SNCAIP: variants seen among roughly 807,000 people sequenced by gnomAD.
The protein encoded by SNCAIP is synuclein alpha interacting protein.
A neutral mutation model predicts 86.7 loss-of-function variants in SNCAIP; 43 were observed. The observed-to-expected ratio is 0.50, with a 90% CI of 0.39 to 0.64. The LOEUF is 0.64. Ranked by LOEUF, SNCAIP falls within the 30% of genes least tolerant of loss-of-function variation. The pLI, the probability that SNCAIP is intolerant of heterozygous loss-of-function variation, is 0.00. For missense variants in SNCAIP, 981 were observed against 1,103.1 expected (o/e 0.89, Z 1.57); for synonymous variants, 417 against 427.2 (o/e 0.98, Z 0.29).
intron 3 of SNCAIP, among the ~76,000 whole-genome samples, chr5:122,420,115 A>T (rs995471753): frequency 6.6e-6 from 1 of 152,150 alleles, no homozygotes. Flanking sequence ...CACAGATCTC[A>T]CTCACAGCCT....
chr5:122,449,140 C>T (rs1343781554), intron 8 of SNCAIP, among the ~76,000 whole-genome samples: 1 of 152,124 alleles, frequency 6.6e-6, no homozygotes, highest in African/African-American at 2.4e-5. Context: ...TGTAGAACAT[C>T]GTATCCTAGC....
intron 1 of SNCAIP, among the ~76,000 whole-genome samples, chr5:122,367,325 A>C (rs1763382875): frequency 6.6e-6 from 1 of 152,246 alleles, no homozygotes; most frequent in African/African-American, 2.4e-5. Flanking sequence ...ATTCTAGATC[A>C]TTTTCAGAGG....
intron 10 of SNCAIP, chr5:122,451,819 G>T: frequency 7.7e-6 from 4 of 516,290 alleles, no homozygotes; most frequent in South Asian, 2.8e-5. Flanking sequence ...AAGAGAGAAA[G>T]GTTAAAAAAA....
chr5:122,404,504 C>G (rs1427691880), intron 3 of SNCAIP, among the ~76,000 whole-genome samples: 1 of 152,162 alleles, frequency 6.6e-6, no homozygotes, highest in African/African-American at 2.4e-5. Context: ...TTAAGCTTCT[C>G]TTCTTTTCCT....
chr5:122,372,036 C>T (rs1409888591), intron 1 of SNCAIP, among the ~76,000 whole-genome samples: 1 of 152,096 alleles, frequency 6.6e-6, no homozygotes, highest in African/African-American at 2.4e-5. Context: ...TGTCAGCCCC[C>T]AGTTGCCACC....
Position 122,450,588 on chromosome 5 carries a change from G to C in SNCAIP, c.1741G>C (p.Asp581His), listed in dbSNP as rs1783515500. 6.2e-7 allele frequency: 1 copy of C among 1,614,014 alleles called. No homozygotes were observed. Among genetic ancestry groups the C allele is most frequent in the Admixed American group, 1.7e-5 (1 of 60,002 alleles). ...KSQWKSPDAD[D>H]DSVAKSKPGV... ...CCAGTGGAAATCTCCAGATGCAGAT[G>C]ATGATTCTGTAGCCAAAAGCAAGCC... Residue 581 changes from aspartate (D) to histidine (H), a missense_variant, in exon 10 of 11, where the codon GAT becomes CAT. Coordinates refer to ENST00000261368, the MANE Select transcript of SNCAIP (RefSeq NM_005460.4).
intron 2 of SNCAIP, among the ~76,000 whole-genome samples, chr5:122,392,348 T>G (rs1053296646): frequency 1.3e-5 from 2 of 152,128 alleles, no homozygotes; most frequent in Non-Finnish European, 2.9e-5. Flanking sequence ...GGAGTGAGCT[T>G]CTTCCTTCCC....
intron 1 of SNCAIP, among the ~76,000 whole-genome samples, chr5:122,353,377 A>T (rs971688759): frequency 2.6e-5 from 4 of 151,832 alleles, no homozygotes; most frequent in African/African-American, 9.7e-5. Flanking sequence ...TCATCGTTAT[A>T]TAATTATGAT....
intron 6 of SNCAIP, among the ~76,000 whole-genome samples, chr5:122,439,958 G>A (rs770568734): frequency 6.6e-5 from 10 of 152,130 alleles, no homozygotes; most frequent in Non-Finnish European, 1.3e-4. Context: ...AAAGGTTTGC[G>A]TTCCAAGCTT....
At chr5:122,320,450 T>C (rs1221343773) in intron 1 of SNCAIP, among the ~76,000 whole-genome samples, 3 of 152,184 alleles carry the variant, frequency 2.0e-5, no homozygotes, top group South Asian at 4.1e-4. Flanking sequence ...TCATGGTATT[T>C]ATAGCTAGCT....
At chr5:122,433,689 C>T (rs138834177) in intron 6 of SNCAIP, among the ~76,000 whole-genome samples, 1 of 152,290 alleles carries the variant, frequency 6.6e-6, no homozygotes, top group Non-Finnish European at 1.5e-5. Flanking sequence ...TACTAGTCCC[C>T]ATCCACAGTG....
At chr5:122,367,761 A>G (rs1189502363) in intron 1 of SNCAIP, among the ~76,000 whole-genome samples, 5 of 152,146 alleles carry the variant, frequency 3.3e-5, no homozygotes, top group Admixed American at 6.6e-5. Flanking sequence ...ATTTTAGGAG[A>G]TAAATAGTAA....
At chr5:122,384,705 TC>T (rs1350492788) in intron 1 of SNCAIP, among the ~76,000 whole-genome samples, 1 of 152,226 alleles carries the variant, frequency 6.6e-6, no homozygotes, top group Non-Finnish European at 1.5e-5. Context: ...ATGCAGGCTC[TC>T]CTCTAGGAGC....
intron 7 of SNCAIP, chr5:122,444,003 A>G (rs919707501): frequency 6.2e-5 from 28 of 452,344 alleles, no homozygotes; most frequent in Admixed American, 5.2e-4. Flanking sequence ...CAATCCACAG[A>G]CATGTCCTCA....
chr5:122,415,162 G>A (rs1337760480), intron 3 of SNCAIP, among the ~76,000 whole-genome samples: 1 of 152,200 alleles, frequency 6.6e-6, no homozygotes, highest in Non-Finnish European at 1.5e-5. Context: ...CCCAGGGCGA[G>A]CCACTTTCCG....
chr5:122,384,984 C>A (rs1767793677), intron 1 of SNCAIP, among the ~76,000 whole-genome samples: 1 of 152,172 alleles, frequency 6.6e-6, no homozygotes, highest in African/African-American at 2.4e-5. Context: ...TTCTCACTTC[C>A]AGGCCTGTTC....
At chr5:122,354,686 G>A (rs1221890485) in intron 1 of SNCAIP, among the ~76,000 whole-genome samples, 6 of 152,178 alleles carry the variant, frequency 3.9e-5, no homozygotes, top group African/African-American at 9.7e-5. Context: ...TCAATGATCA[G>A]CCTAGTAGGA....
At chr5:122,455,000 T>C (rs1784448639) in intron 10 of SNCAIP, among the ~76,000 whole-genome samples, 1 of 152,192 alleles carries the variant, frequency 6.6e-6, no homozygotes, top group African/African-American at 2.4e-5. Flanking sequence ...TTCTAAAGGC[T>C]CAGTTTAGAT....
chr5:122,399,917 C>G (rs1480441384), intron 2 of SNCAIP, among the ~76,000 whole-genome samples: 2 of 151,970 alleles, frequency 1.3e-5, no homozygotes, highest in Non-Finnish European at 2.9e-5. Flanking sequence ...GGATGAAGCC[C>G]AAGAATATGA....
Sources: gnomAD v4.1 joint callset for allele counts (sites outside exome capture counted in the v4.1 genomes callset) on GRCh38, gnomAD v4.1.1 for gene constraint, MANE v1.5 for transcripts, NCBI Gene and HGNC (gene_info 2026-07-23, HGNC 2026-07-21) for gene names.